The following C4BPB variants were observed in gnomAD, a reference collection of about 807,000 sequenced individuals.
The protein encoded by C4BPB is complement component 4 binding protein beta.
C4BPB carries 19 observed loss-of-function variants against 26.6 expected under a neutral mutation model. The observed-to-expected ratio is 0.71, with a 90% CI of 0.50 to 1.05. The LOEUF is 1.05. Among genes scored for constraint, C4BPB ranks in the 50% least tolerant of loss-of-function variants. The pLI is 0.00. For synonymous variants in C4BPB, 118 were observed against 103.5 expected (o/e 1.14, Z -0.85); for missense variants, 282 against 302.9 (o/e 0.93, Z 0.51).
intron 4 of C4BPB, among the ~76,000 whole-genome samples, chr1:207,094,614 C>A (rs1423266988): frequency 1.3e-5 from 2 of 152,150 alleles, no homozygotes; most frequent in Non-Finnish European, 2.9e-5. Context: ...CTAGGATGAG[C>A]TCCCTAGGTT....
chr1:207,090,109 A>G lies in C4BPB; in HGVS notation c.59-199A>G, dbSNP rs1683963683. 2.0e-5 allele frequency among the ~76,000 whole-genome samples: 3 copies of G among 152,200 alleles called. No homozygotes were observed. In the South Asian group the frequency reaches 6.2e-4, roughly 31 times the overall value. ...AGACAGTGAAACCCCGTCTCTGCTG[A>G]AAATACAAAAAATTAGCTGGGCGTG... On this transcript the variant is annotated intron_variant, in intron 2 of 6. Transcript: ENST00000367078.
At chr1:207,093,384 C>T (rs980185368) in intron 4 of C4BPB, among the ~76,000 whole-genome samples, 11 of 152,150 alleles carry the variant, frequency 7.2e-5, no homozygotes, top group Non-Finnish European at 1.5e-4. Flanking sequence ...GAAAGGAATA[C>T]TTGCCGTATT....
At position 207,099,842 on chromosome 1, in the gene C4BPB, A is replaced by G. The variant is rs761549214; in HGVS notation, c.672A>G (p.Gln224=). The change falls in exon 7 of 7, where the codon CAA becomes CAG. Residue 224 remains glutamine (Q), a synonymous_variant. Coordinates refer to ENST00000367078, the MANE Select transcript of C4BPB (RefSeq NM_001017365.3). Reference sequence around the variant, plus strand: ...GCGAAGCCATGGAGAACTTTATGCAACAATTAAAGGAAAGTGGCATGACAA... The same window carrying G: ...GCGAAGCCATGGAGAACTTTATGCAGCAATTAAAGGAAAGTGGCATGACAA... ...NLCEAMENFM[Q]QLKESGMTME... is the part of the protein sequence containing the mutation. The G allele has an allele frequency of 4.3e-6, 7 of 1,613,920 alleles. No individual in the cohort carries two copies. The Admixed American group carries it at 1.2e-4, about 27-fold the overall frequency.
chr1:207,094,018 G>A (rs1490048789), intron 4 of C4BPB, among the ~76,000 whole-genome samples: 1 of 152,092 alleles, frequency 6.6e-6, no homozygotes, highest in East Asian at 1.9e-4. Context: ...AATGATTATA[G>A]AACTGGAAAT....
At chr1:207,094,089 T>C (rs912285466) in intron 4 of C4BPB, among the ~76,000 whole-genome samples, 1 of 152,252 alleles carries the variant, frequency 6.6e-6, no homozygotes, top group Admixed American at 6.5e-5. Flanking sequence ...ATGGATTTAA[T>C]TTAATACTAT....
Position 207,098,223 on chromosome 1 carries a change from T to C in C4BPB, c.577T>C (p.Leu193=). The change falls in exon 6 of 7, where the codon TTG becomes CTG. Residue 193 remains leucine, a synonymous_variant. Coordinates refer to ENST00000367078, the MANE Select transcript of C4BPB (RefSeq NM_001017365.3). ...EWSSALPVCK[L]IQEAPKPECE... is the part of the protein sequence containing the mutation. Reference sequence around the variant, plus strand: ...GAGCAGTGCACTTCCAGTCTGCAAGTTGATCCAGGAAGCTCCCAAACCAGA... The same window carrying C: ...GAGCAGTGCACTTCCAGTCTGCAAGCTGATCCAGGAAGCTCCCAAACCAGA... 1.2e-6 allele frequency: 2 copies of C among 1,614,080 alleles called. No homozygotes were observed. Among genetic ancestry groups the C allele is most frequent in the Non-Finnish European group, 1.7e-6 (2 of 1,179,918 alleles).
In C4BPB at chr1:207,098,218, G is replaced by T. The variant is rs1242006484; in HGVS notation, c.572G>T (p.Cys191Phe). 1 of 1,614,084 alleles carries T rather than the reference G, an allele frequency of 6.2e-7. No homozygotes were observed. Among genetic ancestry groups the T allele is most frequent in the Admixed American group, 1.7e-5 (1 of 60,014 alleles). ...GAGTGGAGCAGTGCACTTCCAGTCT[G>T]CAAGTTGATCCAGGAAGCTCCCAAA... is the stretch of plus-strand genomic sequence containing the variant. ...DGEWSSALPV[C>F]KLIQEAPKPE... The change falls in exon 6 of 7, where the codon TGC becomes TTC. Residue 191 changes from cysteine (C) to phenylalanine (F), a missense_variant. Cys to Phe is a radical substitution (Grantham distance 205). Transcript: ENST00000367078.
chr1:207,089,955 C>T (rs1683957531), intron 2 of C4BPB, among the ~76,000 whole-genome samples: 1 of 152,134 alleles, frequency 6.6e-6, no homozygotes, highest in African/African-American at 2.4e-5. Flanking sequence ...AGTAAAATTC[C>T]TGTTATACTT....
rs143069723 is a variant in C4BPB, at chr1:207,090,132, G to A, written c.59-176G>A. Reference sequence around the variant, plus strand: ...TGAAAATACAAAAAATTAGCTGGGCGTGGTGGCGGGTGCCTGTAGTCCCGG... The same window carrying A: ...TGAAAATACAAAAAATTAGCTGGGCATGGTGGCGGGTGCCTGTAGTCCCGG... On this transcript the variant is annotated intron_variant, in intron 2 of 6. Coordinates refer to ENST00000367078, the MANE Select transcript of C4BPB (RefSeq NM_001017365.3). 2.9e-3 allele frequency among the ~76,000 whole-genome samples: 444 copies of A among 152,282 alleles called. 2 individuals carry two copies. The highest frequency in any genetic ancestry group is 0.01 in the African/African-American group (423 of 41,540).
chr1:207,092,483 C>T lies in C4BPB; in HGVS notation c.409+663C>T, dbSNP rs60499587. On this transcript the variant is annotated intron_variant, in intron 4 of 6. Coordinates refer to ENST00000367078, the MANE Select transcript of C4BPB (RefSeq NM_001017365.3). Reference sequence around the variant, plus strand: ...CACCAGTCCATGTAGCTCTATTGCCCGCTATTTAATAACTGCATATGTGTA... The same window carrying T: ...CACCAGTCCATGTAGCTCTATTGCCTGCTATTTAATAACTGCATATGTGTA... Among the ~76,000 whole-genome samples the T allele has an allele frequency of 6.0e-3, 913 of 151,894 alleles. 13 individuals carry two copies. The highest frequency in any genetic ancestry group is 0.021 in the African/African-American group (860 of 41,384).
intron 4 of C4BPB, among the ~76,000 whole-genome samples, chr1:207,093,789 T>C (rs1475283759): frequency 6.6e-6 from 1 of 152,076 alleles, no homozygotes; most frequent in East Asian, 1.9e-4. Flanking sequence ...AAGAAAAACT[T>C]CTACATACTA....
chr1:207,098,362 A>G, intron 6 of C4BPB, 98 bp downstream of exon 6: 1 of 746,778 alleles, frequency 1.3e-6, no homozygotes, highest in Non-Finnish European at 2.2e-6. Context: ...TTAATGTGGG[A>G]CATTTTGCTT....
intron 4 of C4BPB, among the ~76,000 whole-genome samples, chr1:207,093,972 A>G (rs1403185913): frequency 6.6e-6 from 1 of 152,222 alleles, no homozygotes; most frequent in African/African-American, 2.4e-5. Flanking sequence ...CAGCACTTCT[A>G]TCTCCTGATT....
chr1:207,099,874 A>G lies in C4BPB; in HGVS notation c.704A>G (p.Glu235Gly), dbSNP rs1247014798. 6.2e-7 allele frequency: 1 copy of G among 1,613,806 alleles called. No homozygotes were observed. The highest frequency in any genetic ancestry group is 8.5e-7 in the Non-Finnish European group (1 of 1,179,824). Reference sequence around the variant, plus strand: ...AAGGAAAGTGGCATGACAATGGAGGAGCTAAAATATTCTCTGGAGCTGAAG... The same window carrying G: ...AAGGAAAGTGGCATGACAATGGAGGGGCTAAAATATTCTCTGGAGCTGAAG... ...QLKESGMTMEELKYSLELKKA... is the reference protein window; with the variant it reads ...QLKESGMTMEGLKYSLELKKA... Residue 235 changes from glutamate to glycine, a missense_variant, in exon 7 of 7, where the codon GAG (glutamate) becomes GGG (glycine). By Grantham distance (98) the Glu-to-Gly change is moderately conservative. Coordinates refer to ENST00000367078, the MANE Select transcript of C4BPB (RefSeq NM_001017365.3).
intron 3 of C4BPB, 142 bp from the exon 4 acceptor site, chr1:207,091,502 G>C: frequency 3.2e-6 from 2 of 621,588 alleles, no homozygotes; most frequent in Non-Finnish European, 5.6e-6. Context: ...TGATATGGTA[G>C]TACCATGTAC....
intron 4 of C4BPB, chr1:207,095,555 C>T: frequency 2.5e-6 from 1 of 392,716 alleles, no homozygotes; most frequent in South Asian, 1.9e-5. Flanking sequence ...TCTCAAATTC[C>T]TGACCTCAGG....
At chr1:207,091,071 T>A (rs1004354907) in intron 3 of C4BPB, among the ~76,000 whole-genome samples, 1 of 152,228 alleles carries the variant, frequency 6.6e-6, no homozygotes, top group Non-Finnish European at 1.5e-5. Context: ...TCTGTGGAGA[T>A]GGGGAATAAT....
At chr1:207,097,370 G>C (rs191091209) in intron 5 of C4BPB, among the ~76,000 whole-genome samples, 9 of 151,284 alleles carry the variant, frequency 5.9e-5, no homozygotes, top group Non-Finnish European at 1.3e-4. Flanking sequence ...GGGTCACCAC[G>C]CTTGGCTAAT....
chr1:207,095,101 C>T (rs185785035), intron 4 of C4BPB: 329 of 319,070 alleles, frequency 1.0e-3, no homozygotes, highest in African/African-American at 6.5e-3. Context: ...TATTTTTGAT[C>T]GACATGTTTA....
Sources: allele counts gnomAD v4.1 joint callset (sites outside exome capture counted in the v4.1 genomes callset), GRCh38; gene constraint gnomAD v4.1.1; transcripts MANE v1.5; gene names NCBI Gene and HGNC (gene_info 2026-07-23, HGNC 2026-07-21).